Variants in KCND3 observed in about 807,000 individuals in gnomAD.
KCND3 encodes potassium voltage-gated channel subfamily D member 3.
A neutral mutation model predicts 51.1 loss-of-function variants in KCND3; 9 were observed. The observed-to-expected ratio is 0.18, with a 90% CI of 0.11 to 0.31. KCND3 has a LOEUF of 0.31. Among genes scored for constraint, KCND3 ranks in the 10% least tolerant of loss-of-function variants. The pLI is 1.00. For synonymous variants in KCND3, 349 were observed against 368.0 expected, an observed-to-expected ratio of 0.95 and a Z score of 0.59; for missense variants, 526 against 903.8, an observed-to-expected ratio of 0.58 and a Z score of 5.36.
intron 2 of KCND3, among the ~76,000 whole-genome samples, chr1:111,921,539 G>C (rs12408293): frequency 6.6e-6 from 1 of 152,230 alleles, no homozygotes; most frequent in Non-Finnish European, 1.5e-5. Context: ...AAGGGCAGGG[G>C]AGGGAGTAGG....
intron 2 of KCND3, among the ~76,000 whole-genome samples, chr1:111,843,412 T>A (rs966546763): frequency 6.6e-6 from 1 of 152,222 alleles, no homozygotes; most frequent in Non-Finnish European, 1.5e-5. Flanking sequence ...CCAGATGGCA[T>A]GGGCCCCAAG....
intron 2 of KCND3, among the ~76,000 whole-genome samples, chr1:111,866,579 AACACACAC>A (rs771342858): frequency 3.5e-4 from 45 of 126,818 alleles, no homozygotes; most frequent in South Asian, 1.2e-3. Context: ...TGTTTCTTTA[AACACACAC>A]ACACACACAC....
chr1:111,977,584 G>A (rs1035970911), intron 2 of KCND3, among the ~76,000 whole-genome samples: 3 of 152,062 alleles, frequency 2.0e-5, no homozygotes, highest in East Asian at 1.9e-4. Flanking sequence ...CATCGGGATC[G>A]GACACTGCTC....
intron 2 of KCND3, among the ~76,000 whole-genome samples, chr1:111,838,063 G>C (rs140540078): frequency 3.9e-5 from 6 of 152,216 alleles, no homozygotes; most frequent in Admixed American, 3.9e-4. Context: ...ATTTTGCCAG[G>C]CTTCTCCACT....
chr1:111,809,691 G>A (rs986349717), intron 2 of KCND3, among the ~76,000 whole-genome samples: 6 of 152,020 alleles, frequency 3.9e-5, no homozygotes, highest in African/African-American at 7.3e-5. Flanking sequence ...GTGTGTGCAC[G>A]CCTGCAAATG....
chr1:111,812,467 G>A (rs1318125112), intron 2 of KCND3, among the ~76,000 whole-genome samples: 1 of 152,174 alleles, frequency 6.6e-6, no homozygotes, highest in African/African-American at 2.4e-5. Flanking sequence ...GGGAAGCAGG[G>A]GCAGAGTTCC....
Position 111,775,952 on chromosome 1 carries a change from A to T in KCND3, c.*125T>A. 1 of 1,073,286 alleles carries T rather than the reference A, an allele frequency of 9.3e-7. No individual in the cohort carries two copies. Among genetic ancestry groups the T allele is most frequent in the Non-Finnish European group, 1.4e-6 (1 of 704,298 alleles). 66.5% of individuals were successfully genotyped at this position (1,073,286 alleles called of 1,614,324 possible). On this transcript the variant is annotated 3_prime_UTR_variant, in exon 8 of 8. Transcript: ENST00000302127. The stretch of plus-strand genomic sequence containing the variant: ...CCTTCCAGGCACAAGTCTCAGTGCT[A>T]GGGGTACAATGGGGCAGGCAGAAAT...
intron 2 of KCND3, among the ~76,000 whole-genome samples, chr1:111,861,825 C>T (rs974975383): frequency 2.0e-5 from 3 of 152,186 alleles, no homozygotes; most frequent in African/African-American, 7.2e-5. Flanking sequence ...CATCTATCAG[C>T]GGACCGCCTC....
At chr1:111,782,755 G>A (rs1433206912) in intron 3 of KCND3, among the ~76,000 whole-genome samples, 1 of 152,128 alleles carries the variant, frequency 6.6e-6, no homozygotes, top group Non-Finnish European at 1.5e-5. Context: ...GTTCTTCTTT[G>A]TGGCACTTCT....
intron 2 of KCND3, among the ~76,000 whole-genome samples, chr1:111,930,179 G>C (rs1284329339): frequency 6.6e-6 from 1 of 151,532 alleles, no homozygotes; most frequent in Non-Finnish European, 1.5e-5. Flanking sequence ...TTTCTAAGCA[G>C]TAAGTTGTGT....
chr1:111,890,292 T>C (rs1669769744), intron 2 of KCND3, among the ~76,000 whole-genome samples: 1 of 152,180 alleles, frequency 6.6e-6, no homozygotes, highest in South Asian at 2.1e-4. Context: ...TTTCTGAGTG[T>C]GCTCTCAGGG....
At position 111,891,916 on chromosome 1, in the gene KCND3, G is replaced by A. The variant is rs184214543; in HGVS notation, c.1106+89705C>T. Among the ~76,000 whole-genome samples the A allele has an allele frequency of 1.9e-3, 285 of 152,170 alleles. 2 individuals carry two copies. The highest frequency in any genetic ancestry group is 2.5e-3 in the South Asian group (12 of 4,818). On this transcript the variant is annotated intron_variant, in intron 2 of 7. Coordinates refer to ENST00000302127, the MANE Select transcript of KCND3 (RefSeq NM_001378969.1). Reference sequence around the variant, plus strand: ...ATCCTGGAGACTTGAAGATGAATCAGACACCATCCTTGCCCTTATTTAGCC... The same window carrying A: ...ATCCTGGAGACTTGAAGATGAATCAAACACCATCCTTGCCCTTATTTAGCC...
At chr1:111,791,149 A>C (rs1423588381) in intron 2 of KCND3, among the ~76,000 whole-genome samples, 1 of 152,216 alleles carries the variant, frequency 6.6e-6, no homozygotes, top group Admixed American at 6.5e-5. Flanking sequence ...GCCATTTTAC[A>C]TTCCCACCAG....
intron 2 of KCND3, among the ~76,000 whole-genome samples, chr1:111,959,224 T>C (rs1488061607): frequency 6.6e-6 from 1 of 152,202 alleles, no homozygotes; most frequent in African/African-American, 2.4e-5. Context: ...CCAGAAGTGC[T>C]TTCCCATGTT....
chr1:111,913,257 A>AGG (rs1309970841), intron 2 of KCND3, among the ~76,000 whole-genome samples: 10 of 152,358 alleles, frequency 6.6e-5, no homozygotes, highest in African/African-American at 9.6e-5. Flanking sequence ...CATATAGCCT[A>AGG]GGTATGTAGT....
intron 2 of KCND3, among the ~76,000 whole-genome samples, chr1:111,813,434 G>T (rs185634398): frequency 1.1e-4 from 17 of 152,318 alleles, no homozygotes; most frequent in Non-Finnish European, 2.2e-4. Context: ...CTCAGCAGGG[G>T]CCTGTCTGGT....
intron 2 of KCND3, among the ~76,000 whole-genome samples, chr1:111,795,333 A>G (rs1665010464): frequency 6.6e-6 from 1 of 152,244 alleles, no homozygotes; most frequent in Non-Finnish European, 1.5e-5. Context: ...TGAAGACACC[A>G]CCTAGGGGTG....
At chr1:111,855,523 T>A (rs1228106252) in intron 2 of KCND3, among the ~76,000 whole-genome samples, 1 of 152,208 alleles carries the variant, frequency 6.6e-6, no homozygotes, top group Non-Finnish European at 1.5e-5. Flanking sequence ...CTGAGAAGGC[T>A]GTGGAGGGGA....
chr1:111,780,866 AG>A lies in KCND3; in HGVS notation c.1270-76del. On this transcript the variant is annotated intron_variant, in intron 3 of 7. Transcript: ENST00000302127. The surrounding 1 kb of genome is among the most constrained non-coding windows in gnomAD (Gnocchi z 4.2). ...AGACAGCAAGGCTGGTGAAGCTGTG[AG>A]GCTGGCTTCCCAGGTGACACCTGAT... 1 of 1,298,498 alleles carries A rather than the reference AG, an allele frequency of 7.7e-7. No homozygotes were observed. The highest frequency in any genetic ancestry group is 1.1e-6 in the Non-Finnish European group (1 of 918,154). The allele number at this position is 1,298,498 out of a possible 1,614,324, so 80.4% of individuals were successfully genotyped here.
Sources: allele counts gnomAD v4.1 joint callset (sites outside exome capture counted in the v4.1 genomes callset), GRCh38; gene constraint gnomAD v4.1.1; non-coding constraint Gnocchi (gnomAD v3.1); transcripts MANE v1.5; gene names NCBI Gene and HGNC (gene_info 2026-07-23, HGNC 2026-07-21).